The following ABCC12 variants were observed in gnomAD, a reference collection of about 807,000 sequenced individuals.
ABCC12 encodes the protein ATP-binding cassette sub-family C member 12.
A neutral mutation model predicts 151.1 loss-of-function variants in ABCC12; 142 were observed. That is an observed-to-expected ratio of 0.94 (90% CI 0.82 to 1.08). ABCC12 has a LOEUF of 1.08. Ranked by LOEUF, ABCC12 falls within the 50% of genes least tolerant of loss-of-function variation. The pLI is 0.00. For synonymous variants in ABCC12, 645 were observed against 646.4 expected, an observed-to-expected ratio of 1.00 and a Z score of 0.03; for missense variants, 1,638 against 1,691.1, an observed-to-expected ratio of 0.97 and a Z score of 0.55.
rs377304827 is a variant in ABCC12 at position 48,115,438 on chromosome 16, C to A, written c.1966G>T (p.Val656Phe). ...ACCTGTAGCTGGTGGGTCACCAGGACGACTGTCTTTCCCCTGAGCGTCTTC... is the reference window on the plus strand; with the variant it reads ...ACCTGTAGCTGGTGGGTCACCAGGAAGACTGTCTTTCCCCTGAGCGTCTTC... ...IKKTLRGKTV[V>F]LVTHQLQFLE... Residue 656 changes from valine to phenylalanine, a missense_variant, in exon 15 of 31, where the codon GTC (valine) becomes TTC (phenylalanine). Coordinates refer to ENST00000311303, the MANE Select transcript of ABCC12 (RefSeq NM_001393797.1). 1.2e-6 allele frequency: 2 copies of A among 1,614,022 alleles called. No individual in the cohort carries two copies. The highest frequency in any genetic ancestry group is 1.7e-6 in the Non-Finnish European group (2 of 1,179,908).
intron 25 of ABCC12, among the ~76,000 whole-genome samples, 171 bp downstream of exon 25, chr16:48,090,949 G>A (rs1962856488): frequency 6.6e-6 from 1 of 152,138 alleles, no homozygotes; most frequent in South Asian, 2.1e-4. Context: ...GACCTCAGGT[G>A]ATCTGCCCGC....
In ABCC12 at chr16:48,100,862, T is replaced by C. The variant is rs1025934665; in HGVS notation, c.3038+10A>G. 1 of 1,613,520 alleles carries C rather than the reference T, an allele frequency of 6.2e-7. No individual in the cohort carries two copies. Among genetic ancestry groups the C allele is most frequent in the Non-Finnish European group, 8.5e-7 (1 of 1,179,670 alleles). On this transcript the variant is annotated intron_variant, in intron 23 of 30. Coordinates refer to ENST00000311303, the MANE Select transcript of ABCC12 (RefSeq NM_001393797.1). ...TGGGGGCCTGGGGCAGGGCCCCACA[T>C]GGGACTCACTAGGTGATGCAGCTCT...
intron 3 of ABCC12, among the ~76,000 whole-genome samples, chr16:48,145,854 G>T (rs1184040819): frequency 6.6e-6 from 1 of 152,200 alleles, no homozygotes; most frequent in African/African-American, 2.4e-5. Flanking sequence ...TATTTTATGG[G>T]TCACCCATCA....
chr16:48,139,323 A>G lies in ABCC12; in HGVS notation c.671T>C (p.Leu224Pro), dbSNP rs141280121. 1.3e-4 allele frequency: 216 copies of G among 1,607,110 alleles called. 1 individual carries two copies. Among genetic ancestry groups the G allele is most frequent in the Middle Eastern group, 3.3e-4 (2 of 6,044 alleles). Residue 224 changes from leucine (L) to proline (P), a missense_variant, in exon 7 of 31, where the codon CTG becomes CCG. By Grantham distance (98) the Leu-to-Pro change is moderately conservative. Transcript: ENST00000311303. ...AAACAAAGAATAGCTATCACTTGAC[A>G]GTATATTGAGCACCTGGAAAGAAAA... is the stretch of plus-strand genomic sequence containing the variant. The part of the protein sequence containing the change: ...HISVGEVLNI[L>P]SSDSYSLFEA...
intron 9 of ABCC12, among the ~76,000 whole-genome samples, 200 bp from the exon 10 acceptor site, chr16:48,131,095 C>T (rs746439852): frequency 2.0e-5 from 3 of 152,198 alleles, no homozygotes; most frequent in Non-Finnish European, 4.4e-5. Flanking sequence ...ATCTATTTTG[C>T]TTTGGGATTT....
chr16:48,108,493 T>G lies in ABCC12; in HGVS notation c.2318A>C (p.Gln773Pro). Residue 773 changes from glutamine to proline, a missense_variant, in exon 19 of 31, where the codon CAG becomes CCG. By Grantham distance (76) the Gln-to-Pro change is moderately conservative. Coordinates refer to ENST00000311303, the MANE Select transcript of ABCC12 (RefSeq NM_001393797.1). ...TGTTTTCCAGGTCACGGTTCCTTCC[T>G]GGGGGGATTCAGTCTGGATGAGCTG... ...EHQLIQTESP[Q>P]EGTVTWKTYH... is the part of the protein sequence containing the mutation. The G allele has an allele frequency of 6.2e-7, 1 of 1,614,166 alleles. No individual in the cohort carries two copies. The highest frequency in any genetic ancestry group is 8.5e-7 in the Non-Finnish European group (1 of 1,180,036).
chr16:48,095,083 TG>T (rs1480004625), intron 24 of ABCC12, among the ~76,000 whole-genome samples: 1 of 152,238 alleles, frequency 6.6e-6, no homozygotes, highest in East Asian at 1.9e-4. Flanking sequence ...TGATATGGTT[TG>T]GCTTTGTCCC....
At chr16:48,116,245 G>A (rs1328873830) in intron 14 of ABCC12, among the ~76,000 whole-genome samples, 1 of 152,184 alleles carries the variant, frequency 6.6e-6, no homozygotes, top group Non-Finnish European at 1.5e-5. Flanking sequence ...TGAACCCCAG[G>A]TGTTCAGCCA....
chr16:48,131,798 T>C (rs989808138), intron 9 of ABCC12, among the ~76,000 whole-genome samples: 30 of 152,184 alleles, frequency 2.0e-4, no homozygotes, highest in Admixed American at 1.3e-3. Flanking sequence ...CTTCAACTAA[T>C]CCTAGTCCCT....
intron 14 of ABCC12, among the ~76,000 whole-genome samples, chr16:48,116,458 G>A (rs1420535854): frequency 6.6e-6 from 1 of 152,194 alleles, no homozygotes; most frequent in Non-Finnish European, 1.5e-5. Flanking sequence ...CTTCCTTGAG[G>A]AGGCAGATTT....
intron 27 of ABCC12, chr16:48,087,142 T>C (rs903903516): frequency 4.1e-5 from 10 of 246,652 alleles, no homozygotes; most frequent in Non-Finnish European, 4.0e-5. Flanking sequence ...GCAGAGTGGG[T>C]TTGAACTGAT....
chr16:48,144,868 A>T (rs74018265), intron 3 of ABCC12, among the ~76,000 whole-genome samples: 44 of 152,290 alleles, frequency 2.9e-4, no homozygotes, highest in African/African-American at 8.4e-4. Context: ...GCATTACTTC[A>T]TATATTCCTC....
rs1214888544 is a variant in ABCC12 at position 48,083,510 on chromosome 16, C to T, written c.*205G>A. 1.7e-6 allele frequency: 1 copy of T among 586,590 alleles called. No individual in the cohort carries two copies. The highest frequency in any genetic ancestry group is 2.6e-5 in the South Asian group (1 of 39,086). The allele number at this position is 586,590 out of a possible 1,614,324, so 36.3% of individuals were successfully genotyped here. A position where few individuals can be genotyped will look rare whatever the true frequency, so the allele number is the denominator to read the frequency against. ...CATTAGCTGGGTCTGCCCCGGTTCA[C>T]CACCCAGAACCAACCCCAAGCCCAC... On this transcript the variant is annotated 3_prime_UTR_variant, in exon 31 of 31. Transcript: ENST00000311303.
At chr16:48,111,408 T>C (rs755670812) in intron 18 of ABCC12, 28 bp downstream of exon 18, 10 of 1,605,612 alleles carry the variant, frequency 6.2e-6, no homozygotes, top group South Asian at 4.4e-5. Flanking sequence ...CTTAAGTGTA[T>C]GTGACTGAGG....
Position 48,141,213 on chromosome 16 carries a change from ATGGC to A in ABCC12, c.412_415del (p.Ala138Ter). ...AAGGGCTGCCGCACTCACCGGCCCTATGGCTGCCATGATGATGCACAGGATGTTG... is the reference window on the plus strand; with the variant it reads ...AAGGGCTGCCGCACTCACCGGCCCTATGCCATGATGATGCACAGGATGTTG... On this transcript the variant is annotated frameshift_variant, in exon 5 of 31. Transcript: ENST00000311303. LOFTEE classifies it high-confidence loss of function. The A allele has an allele frequency of 6.2e-7, 1 of 1,613,846 alleles. No homozygotes were observed. Among genetic ancestry groups the A allele is most frequent in the South Asian group, 1.1e-5 (1 of 91,070 alleles).
chr16:48,151,628 ATT>A (rs761080867), intron 2 of ABCC12, among the ~76,000 whole-genome samples: 37 of 152,164 alleles, frequency 2.4e-4, no homozygotes, highest in Non-Finnish European at 5.1e-4. Flanking sequence ...TATCTTTGCA[ATT>A]TTTTTTGTAA....
intron 27 of ABCC12, 121 bp from the exon 28 acceptor site, chr16:48,086,940 T>A: frequency 2.4e-6 from 2 of 825,424 alleles, no homozygotes; most frequent in Non-Finnish European, 4.1e-6. Context: ...GACCTCGTGC[T>A]CCAAGAATAG....
At chr16:48,145,017 T>A (rs1964951164) in intron 3 of ABCC12, among the ~76,000 whole-genome samples, 1 of 152,208 alleles carries the variant, frequency 6.6e-6, no homozygotes, top group African/African-American at 2.4e-5. Flanking sequence ...TCAAACCCAC[T>A]GCTTGTTGAC....
intron 12 of ABCC12, among the ~76,000 whole-genome samples, chr16:48,122,528 C>A (rs1964106548): frequency 6.6e-6 from 1 of 152,148 alleles, no homozygotes; most frequent in Non-Finnish European, 1.5e-5. Context: ...CAATGGTAGA[C>A]AGCGGGGATG....
Sources: allele counts gnomAD v4.1 joint callset (sites outside exome capture counted in the v4.1 genomes callset), GRCh38; gene constraint gnomAD v4.1.1; transcripts MANE v1.5; gene names NCBI Gene and HGNC (gene_info 2026-07-23, HGNC 2026-07-21).